Variants in CDH9 observed in about 807,000 individuals in gnomAD.
The protein encoded by CDH9 is cadherin 9.
In CDH9, 28 loss-of-function variants were observed where a neutral mutation model predicts 70.9. The ratio of observed to expected loss-of-function variants is 0.40; its 90% CI spans 0.29 to 0.54. The LOEUF is 0.54. CDH9 is among the 20% of genes least tolerant of loss of function. The probability of loss-of-function intolerance (pLI) is 0.59; values close to 1 mark genes in which losing one functional copy is unlikely to be tolerated. For missense variants in CDH9, 874 were observed against 984.4 expected (o/e 0.89, Z 1.50); for synonymous variants, 409 against 343.1 (o/e 1.19, Z -2.12).
intron 1 of CDH9, among the ~76,000 whole-genome samples, chr5:27,035,040 C>G (rs910950210): frequency 6.6e-6 from 1 of 151,128 alleles, no homozygotes; most frequent in Non-Finnish European, 1.5e-5. Context: ...ATCTATCTAT[C>G]TAATCTATCA....
chr5:26,883,209 G>T (rs1255098743), intron 11 of CDH9, among the ~76,000 whole-genome samples: 1 of 149,784 alleles, frequency 6.7e-6, no homozygotes, highest in Non-Finnish European at 1.5e-5. Context: ...ACTAGAAAAA[G>T]AGATTTCTTT....
chr5:26,974,568 T>C (rs1174225113), intron 2 of CDH9, among the ~76,000 whole-genome samples: 2 of 152,192 alleles, frequency 1.3e-5, no homozygotes, highest in African/African-American at 2.4e-5. Flanking sequence ...GAGGCTTCTA[T>C]AGTTTCAGGA....
At chr5:26,886,727 G>A (rs996627854) in intron 9 of CDH9, among the ~76,000 whole-genome samples, 1 of 152,074 alleles carries the variant, frequency 6.6e-6, no homozygotes, top group African/African-American at 2.4e-5. Flanking sequence ...AATCAATGTT[G>A]AAGTTTCAAA....
intron 2 of CDH9, among the ~76,000 whole-genome samples, chr5:26,928,479 G>C (rs558260318): frequency 2.5e-4 from 38 of 151,874 alleles, no homozygotes; most frequent in Non-Finnish European, 5.2e-4. Flanking sequence ...TTCTTCTTAA[G>C]AATAGAAAAA....
At chr5:27,015,260 T>C (rs889452233) in intron 1 of CDH9, among the ~76,000 whole-genome samples, 6 of 151,514 alleles carry the variant, frequency 4.0e-5, no homozygotes, top group African/African-American at 1.5e-4. Context: ...CCAAGGAGGG[T>C]ATTATTTTAT....
At chr5:26,954,116 G>T (rs753373262) in intron 2 of CDH9, among the ~76,000 whole-genome samples, 3 of 151,970 alleles carry the variant, frequency 2.0e-5, no homozygotes, top group Non-Finnish European at 4.4e-5. Flanking sequence ...AATGGCTTTT[G>T]TTCTTTACCA....
chr5:27,017,157 T>C (rs1387037134), intron 1 of CDH9, among the ~76,000 whole-genome samples: 1 of 151,920 alleles, frequency 6.6e-6, no homozygotes, highest in Admixed American at 6.6e-5. Context: ...TATTTCATTC[T>C]TGTATTACCT....
At chr5:27,001,472 T>A (rs1742766728) in intron 1 of CDH9, among the ~76,000 whole-genome samples, 1 of 152,112 alleles carries the variant, frequency 6.6e-6, no homozygotes, top group Non-Finnish European at 1.5e-5. Context: ...AATTTACAGA[T>A]AACCAACAGG....
intron 2 of CDH9, among the ~76,000 whole-genome samples, chr5:26,957,181 A>G (rs1299079450): frequency 1.3e-5 from 2 of 152,062 alleles, no homozygotes; most frequent in African/African-American, 2.4e-5. Flanking sequence ...TTAAATTTTA[A>G]TACCTCATTT....
rs557496987 is a variant in CDH9 at position 26,991,815 on chromosome 5, G to T, written c.-49-3433C>A. Among the ~76,000 whole-genome samples, 3 of 152,200 alleles carry T rather than the reference G, an allele frequency of 2.0e-5. No homozygotes were observed. In the East Asian group the frequency reaches 5.8e-4, roughly 29 times the overall value. On this transcript the variant is annotated intron_variant, in intron 1 of 11. Coordinates refer to ENST00000231021, the MANE Select transcript of CDH9 (RefSeq NM_016279.4). ...TTCTTGAGTGTCATTTATATCAGGA[G>T]AAAAGTGGATCTATTGGAAAAATAA...
chr5:26,926,919 C>T (rs992349541), intron 2 of CDH9, among the ~76,000 whole-genome samples: 12 of 140,892 alleles, frequency 8.5e-5, no homozygotes, highest in East Asian at 2.1e-4. Flanking sequence ...AAAATACAGC[C>T]CCCCCCCGCA....
At chr5:26,931,217 T>A (rs1741457015) in intron 2 of CDH9, among the ~76,000 whole-genome samples, 2 of 151,942 alleles carry the variant, frequency 1.3e-5, no homozygotes. Context: ...GGAAGTAGAG[T>A]ATGTGCAGAG....
intron 3 of CDH9, among the ~76,000 whole-genome samples, chr5:26,910,707 G>A (rs1057216956): frequency 1.3e-5 from 2 of 152,190 alleles, no homozygotes; most frequent in Non-Finnish European, 1.5e-5. Context: ...CTGTAGAAAA[G>A]AGACTGGAAT....
chr5:27,004,647 A>G (rs1435444688), intron 1 of CDH9, among the ~76,000 whole-genome samples: 2 of 152,120 alleles, frequency 1.3e-5, no homozygotes, highest in Non-Finnish European at 2.9e-5. Context: ...GCCTTGAACA[A>G]CAGATTAGTG....
chr5:26,883,082 T>G (rs1177843368), intron 11 of CDH9, among the ~76,000 whole-genome samples: 3 of 130,142 alleles, frequency 2.3e-5, no homozygotes, highest in South Asian at 2.4e-4. Flanking sequence ...TATATATATA[T>G]ATATATATAT....
At chr5:26,987,968 A>C in intron 2 of CDH9, 138 bp downstream of exon 2, 1 of 635,282 alleles carries the variant, frequency 1.6e-6, no homozygotes, top group Non-Finnish European at 2.7e-6. Context: ...TCCCCACTAA[A>C]ATAGTTTGCA....
At chr5:26,968,082 T>C (rs891212024) in intron 2 of CDH9, among the ~76,000 whole-genome samples, 1 of 152,170 alleles carries the variant, frequency 6.6e-6, no homozygotes, top group Non-Finnish European at 1.5e-5. Context: ...TGTATTTCAG[T>C]AACTATGCTC....
intron 1 of CDH9, among the ~76,000 whole-genome samples, chr5:27,004,808 A>C (rs545621325): frequency 3.3e-4 from 51 of 152,288 alleles, no homozygotes; most frequent in Admixed American, 2.1e-3. Context: ...TTAACATCCA[A>C]GTGGAAATAT....
intron 2 of CDH9, among the ~76,000 whole-genome samples, chr5:26,963,589 AG>A (rs1177849317): frequency 6.6e-6 from 1 of 152,114 alleles, no homozygotes; most frequent in Admixed American, 6.6e-5. Context: ...TTCTTTCAAA[AG>A]GTTCCGAGAT....
Sources: gnomAD v4.1 joint callset for allele counts (sites outside exome capture counted in the v4.1 genomes callset) on GRCh38, gnomAD v4.1.1 for gene constraint, MANE v1.5 for transcripts, NCBI Gene and HGNC (gene_info 2026-07-23, HGNC 2026-07-21) for gene names.